The following INPP5A variants were observed in gnomAD, a reference collection of about 807,000 sequenced individuals.
INPP5A encodes the protein 43 kDa inositol polyphosphate 5-phophatase.
Under a neutral mutation model 65.2 loss-of-function variants are expected in INPP5A, and 14 were observed. The observed-to-expected ratio is 0.21, with a 90% CI of 0.14 to 0.34. INPP5A has a LOEUF of 0.34. INPP5A is among the 10% of genes least tolerant of loss of function. INPP5A has a pLI of 1.00. For missense variants in INPP5A, 431 were observed against 545.6 expected (o/e 0.79, Z 2.09); for synonymous variants, 207 against 208.3 (o/e 0.99, Z 0.05).
intron 1 of INPP5A, among the ~76,000 whole-genome samples, chr10:132,563,336 G>T (rs530622698): frequency 6.6e-6 from 1 of 152,334 alleles, no homozygotes; most frequent in African/African-American, 2.4e-5. Context: ...CTGCTCTGGG[G>T]TGTGGATAGC....
In INPP5A at chr10:132,676,813, A is replaced by C. The variant is rs2072970187; in HGVS notation, c.307-13579A>C. On this transcript the variant is annotated intron_variant, in intron 4 of 15. Transcript: ENST00000368594. The surrounding 1 kb of genome is among the most constrained non-coding windows in gnomAD (Gnocchi z 4.0). ...CTCTCACCTGCTCCTGTCTCTCCAC[A>C]GTAGTAGCCTCAGTCCAGTGCTTGA... Among the ~76,000 whole-genome samples the C allele has an allele frequency of 6.6e-6, 1 of 152,086 alleles. No homozygotes were observed. Among genetic ancestry groups the C allele is most frequent in the Non-Finnish European group, 1.5e-5 (1 of 68,008 alleles).
chr10:132,638,101 CTCTTTCAAG>C (rs2072380586), intron 2 of INPP5A, among the ~76,000 whole-genome samples: 1 of 152,202 alleles, frequency 6.6e-6, no homozygotes, highest in African/African-American at 2.4e-5. Flanking sequence ...GGCGCTCTTT[CTCTTTCAAG>C]TCCCTCTTTT....
At chr10:132,752,680 GGGGTGC>G in intron 11 of INPP5A, among the ~76,000 whole-genome samples, 1 of 137,138 alleles carries the variant, frequency 7.3e-6, no homozygotes, top group African/African-American at 2.7e-5. Context: ...GGGCGTGGAG[GGGGTGC>G]GGCATGGAGG....
chr10:132,615,055 C>A (rs114965353), intron 2 of INPP5A, among the ~76,000 whole-genome samples: 5 of 152,320 alleles, frequency 3.3e-5, no homozygotes, highest in Admixed American at 6.5e-5. Flanking sequence ...GTGGAGGACC[C>A]GATAAGAACG....
At chr10:132,720,684 T>G (rs1460997514) in intron 8 of INPP5A, among the ~76,000 whole-genome samples, 191 of 98,958 alleles carry the variant, frequency 1.9e-3, no homozygotes, top group African/African-American at 4.9e-3. Context: ...CCTGGGTTCT[T>G]TCTGGGGGCA....
chr10:132,663,478 C>T lies in INPP5A; in HGVS notation c.306+12973C>T, dbSNP rs547697057. On this transcript the variant is annotated intron_variant, in intron 4 of 15. Transcript: ENST00000368594. This position sits in a 1 kb window ranked among gnomAD's most constrained non-coding sequence, Gnocchi z 4.5. ...TCAAGTGATCCTCTTGCCTTGGCCT[C>T]TCAAAGTGCTGGGATTACAGGTGCG... Among the ~76,000 whole-genome samples the T allele has an allele frequency of 6.6e-6, 1 of 152,342 alleles. No homozygotes were observed. The highest frequency in any genetic ancestry group is 2.4e-5 in the African/African-American group (1 of 41,584).
chr10:132,615,064 C>T lies in INPP5A; in HGVS notation c.117+7108C>T, dbSNP rs890999299. Among the ~76,000 whole-genome samples the T allele has an allele frequency of 3.0e-4, 46 of 152,352 alleles. 1 individual carries two copies. The highest frequency in any genetic ancestry group is 4.6e-4 in the African/African-American group (19 of 41,586). ...GTCAGTGTGGAGGACCCGATAAGAA[C>T]GCTTGCTGGGGGATGCCAGGCTGCA... is the stretch of plus-strand genomic sequence containing the variant. On this transcript the variant is annotated intron_variant, in intron 2 of 15. Coordinates refer to ENST00000368594, the MANE Select transcript of INPP5A (RefSeq NM_005539.5).
At chr10:132,767,361 A>G (rs1846867010) in intron 12 of INPP5A, among the ~76,000 whole-genome samples, 1 of 151,994 alleles carries the variant, frequency 6.6e-6, no homozygotes, top group Non-Finnish European at 1.5e-5. Flanking sequence ...GCTTGGGGAC[A>G]CAGGCTTTCC....
chr10:132,539,492 C>G (rs1282408759), intron 1 of INPP5A, among the ~76,000 whole-genome samples: 3 of 152,178 alleles, frequency 2.0e-5, no homozygotes, highest in Non-Finnish European at 4.4e-5. Flanking sequence ...CCCAGGGTGC[C>G]CCCATCTCTG....
chr10:132,560,619 A>C (rs2071190549), intron 1 of INPP5A, among the ~76,000 whole-genome samples: 1 of 151,818 alleles, frequency 6.6e-6, no homozygotes, highest in African/African-American at 2.4e-5. Flanking sequence ...TTTTTTTAAG[A>C]GACAGATTCT....
intron 11 of INPP5A, among the ~76,000 whole-genome samples, chr10:132,751,353 A>G (rs777712115): frequency 6.6e-6 from 1 of 152,174 alleles, no homozygotes; most frequent in Non-Finnish European, 1.5e-5. Context: ...GGCAAGCCTA[A>G]GGTTTCCTCC....
At chr10:132,589,163 G>A (rs763181670) in intron 1 of INPP5A, among the ~76,000 whole-genome samples, 7 of 152,260 alleles carry the variant, frequency 4.6e-5, no homozygotes, top group Non-Finnish European at 1.0e-4. Flanking sequence ...TGCGCCACGT[G>A]CAGGGTTCCT....
At chr10:132,691,063 A>G (rs1845251587) in intron 5 of INPP5A, among the ~76,000 whole-genome samples, 3 of 152,254 alleles carry the variant, frequency 2.0e-5, no homozygotes, top group African/African-American at 7.2e-5. Context: ...CCTCCGGAGC[A>G]GATGACATCC....
intron 1 of INPP5A, among the ~76,000 whole-genome samples, chr10:132,568,778 C>CA (rs897242126): frequency 4.7e-5 from 7 of 149,828 alleles, no homozygotes; most frequent in African/African-American, 7.5e-5. Flanking sequence ...AAACAAAACA[C>CA]AAAAAAGAAT....
chr10:132,670,843 C>CTTT (rs11289296), intron 4 of INPP5A, among the ~76,000 whole-genome samples: 35 of 116,932 alleles, frequency 3.0e-4, no homozygotes, highest in Non-Finnish European at 3.1e-4. Context: ...GTCTTTCTTT[C>CTTT]TTTTTTTTTT....
intron 8 of INPP5A, among the ~76,000 whole-genome samples, chr10:132,722,339 G>A (rs1845899545): frequency 6.6e-6 from 1 of 152,204 alleles, no homozygotes; most frequent in African/African-American, 2.4e-5. Flanking sequence ...AGGTGTCCTG[G>A]TTGGATGAAT....
chr10:132,607,784 C>T (rs2071878356), intron 1 of INPP5A, 131 bp from the exon 2 acceptor site: 4 of 874,100 alleles, frequency 4.6e-6, no homozygotes, highest in Non-Finnish European at 7.3e-6. Context: ...GGGTGGAGCT[C>T]CTCCATGCGG....
Position 132,767,258 on chromosome 10 carries a change from G to GGACACAGGC in INPP5A, c.977+1412_977+1413insGACACAGGC, listed in dbSNP as rs1565009077. On this transcript the variant is annotated intron_variant, in intron 12 of 15. Coordinates refer to ENST00000368594, the MANE Select transcript of INPP5A (RefSeq NM_005539.5). ...GAGGATGCGGCCTCAGGGAGCTTGG[G>GGACACAGGC]TGGGAGCCGGAGGATGCGGCTTCAG... 1.5e-3 allele frequency among the ~76,000 whole-genome samples: 38 copies of GGACACAGGC among 25,830 alleles called. 6 individuals carry two copies. Among genetic ancestry groups the GGACACAGGC allele is most frequent in the South Asian group, 4.0e-3 (2 of 494 alleles). The allele number at this position is 25,830 out of a possible 152,430, so 16.9% of individuals were successfully genotyped here.
At chr10:132,774,135 C>T (rs1847003164) in intron 12 of INPP5A, among the ~76,000 whole-genome samples, 1 of 152,156 alleles carries the variant, frequency 6.6e-6, no homozygotes, top group South Asian at 2.1e-4. Flanking sequence ...CAGCTGTAAT[C>T]GTTTAGTTCT....
Sources: gnomAD v4.1 joint callset for allele counts (sites outside exome capture counted in the v4.1 genomes callset) on GRCh38, gnomAD v4.1.1 for gene constraint, Gnocchi (gnomAD v3.1) non-coding constraint, MANE v1.5 for transcripts, NCBI Gene and HGNC (gene_info 2026-07-23, HGNC 2026-07-21) for gene names.